RGL1: variants seen among roughly 807,000 people sequenced by gnomAD.
RGL1 encodes the protein ral guanine nucleotide dissociation stimulator-like 1.
In RGL1, 24 loss-of-function variants were observed where a neutral mutation model predicts 95.2. The ratio of observed to expected loss-of-function variants is 0.25; its 90% CI spans 0.18 to 0.35. RGL1 has a LOEUF of 0.35. RGL1 is among the 10% of genes least tolerant of loss of function. RGL1 has a pLI of 1.00. For synonymous variants in RGL1, 329 were observed against 344.9 expected (o/e 0.95, Z 0.51); for missense variants, 715 against 936.3 (o/e 0.76, Z 3.08).
intron 2 of RGL1, among the ~76,000 whole-genome samples, chr1:183,833,469 C>A (rs940586298): frequency 6.6e-6 from 1 of 152,204 alleles, no homozygotes; most frequent in African/African-American, 2.4e-5. Context: ...TGATCGGAAT[C>A]TCTGGGGCAT....
At chr1:183,682,843 T>C (rs972093917) in intron 1 of RGL1, among the ~76,000 whole-genome samples, 1 of 152,230 alleles carries the variant, frequency 6.6e-6, no homozygotes, top group African/African-American at 2.4e-5. Flanking sequence ...TTTATAAATC[T>C]AGGTGCTCTT....
intron 1 of RGL1, among the ~76,000 whole-genome samples, chr1:183,702,265 G>A (rs897879205): frequency 1.6e-4 from 25 of 152,006 alleles, no homozygotes; most frequent in African/African-American, 5.1e-4. Context: ...GGTGAATTAC[G>A]CCCAACTGCA....
chr1:183,849,483 G>GTTTTTTTTTT lies in RGL1; in HGVS notation c.347+1723_347+1732dup, dbSNP rs1418103960. Among the ~76,000 whole-genome samples the GTTTTTTTTTT allele has an allele frequency of 9.6e-4, 116 of 120,824 alleles. 1 individual carries two copies. Among genetic ancestry groups the GTTTTTTTTTT allele is most frequent in the Non-Finnish European group, 1.0e-3 (63 of 62,488 alleles). 79.3% of individuals were successfully genotyped at this position (120,824 alleles called of 152,430 possible). ...ACATTTAAGTTTTCTCCAGTTTTTA[G>GTTTTTTTTTT]TTTTTTTTTTTTTTTTTTTTTTTGT... is the stretch of plus-strand genomic sequence containing the variant. On this transcript the variant is annotated intron_variant, in intron 3 of 17. Coordinates refer to ENST00000360851, the MANE Select transcript of RGL1 (RefSeq NM_001297671.3).
At chr1:183,894,533 C>T (rs796179448) in intron 9 of RGL1, among the ~76,000 whole-genome samples, 6 of 152,090 alleles carry the variant, frequency 3.9e-5, no homozygotes, top group African/African-American at 1.4e-4. Context: ...TATGAAGTGT[C>T]TAATTCTGAG....
rs574217143 is a variant in RGL1, at chr1:183,865,384, T to C, written c.348-612T>C. ...TGTCTAGCGCAACCTGGCCTCAGTA[T>C]AGCTACAGCTGCTCTCATGGTTGCT... On this transcript the variant is annotated intron_variant, in intron 3 of 17. Transcript: ENST00000360851. Among the ~76,000 whole-genome samples the C allele has an allele frequency of 1.1e-4, 17 of 152,360 alleles. No individual in the cohort carries two copies. In the East Asian group the frequency reaches 2.7e-3, roughly 24 times the overall value.
At chr1:183,878,386 T>C (rs970531675) in intron 4 of RGL1, among the ~76,000 whole-genome samples, 2 of 151,684 alleles carry the variant, frequency 1.3e-5, no homozygotes, top group African/African-American at 4.9e-5. Context: ...TTTGTAGAGA[T>C]GGGGTTTCGC....
intron 14 of RGL1, among the ~76,000 whole-genome samples, chr1:183,908,343 C>T (rs1405457862): frequency 2.0e-5 from 3 of 152,152 alleles, no homozygotes; most frequent in African/African-American, 7.2e-5. Context: ...AGGTCTCCCA[C>T]CATCAGCGGC....
At chr1:183,775,141 C>T (rs1318349145) in intron 2 of RGL1, among the ~76,000 whole-genome samples, 1 of 152,186 alleles carries the variant, frequency 6.6e-6, no homozygotes, top group Non-Finnish European at 1.5e-5. Flanking sequence ...CCGATTAAAG[C>T]CTTCTTCCTT....
chr1:183,799,733 A>G (rs1016612371), intron 2 of RGL1, among the ~76,000 whole-genome samples: 11 of 152,250 alleles, frequency 7.2e-5, no homozygotes. Context: ...TTTGTAAGAC[A>G]AGTTTTTATT....
At chr1:183,682,634 G>A (rs572087021) in intron 1 of RGL1, among the ~76,000 whole-genome samples, 1 of 152,216 alleles carries the variant, frequency 6.6e-6, no homozygotes, top group Non-Finnish European at 1.5e-5. Context: ...TGAGAAGAAT[G>A]TATATTCTGT....
At chr1:183,804,980 C>T (rs1446364759), upstream of RGL1, 1 of 266,474 alleles carries the variant, frequency 3.8e-6, no homozygotes, top group Non-Finnish European at 7.0e-6. Flanking sequence ...ACTGGAGAAA[C>T]GCTTTCATGC....
intron 1 of RGL1, among the ~76,000 whole-genome samples, chr1:183,713,003 G>T (rs917073446): frequency 6.6e-6 from 1 of 152,030 alleles, no homozygotes; most frequent in African/African-American, 2.4e-5. Flanking sequence ...TTTGATGATC[G>T]TGTGTGTCAG....
At position 183,928,171 on chromosome 1, in the gene RGL1, A is replaced by T. The variant is rs189650241; in HGVS notation, c.*1879A>T. ...TATTCTTGGTGCGAAGGTAAAAAAA[A>T]AAAAATAAATAAAACCATTGGCCTG... On this transcript the variant is annotated 3_prime_UTR_variant, in exon 18 of 18. Transcript: ENST00000360851. 13 of 152,438 alleles carry T rather than the reference A, an allele frequency of 8.5e-5. No individual in the cohort carries two copies. The highest frequency in any genetic ancestry group is 4.2e-4 in the South Asian group (2 of 4,802). 9.4% of individuals were successfully genotyped at this position (152,438 alleles called of 1,614,324 possible).
chr1:183,789,067 A>T (rs1572412997), intron 2 of RGL1, among the ~76,000 whole-genome samples: 1 of 152,216 alleles, frequency 6.6e-6, no homozygotes, highest in South Asian at 2.1e-4. Context: ...AACATTTATC[A>T]TATGGTAGTG....
intron 2 of RGL1, among the ~76,000 whole-genome samples, chr1:183,778,621 T>G (rs889132525): frequency 6.6e-6 from 1 of 152,078 alleles, no homozygotes; most frequent in South Asian, 2.1e-4. Context: ...GAGGGTTCTT[T>G]AAAGAAGTTG....
chr1:183,689,061 A>G (rs555865467), intron 1 of RGL1, among the ~76,000 whole-genome samples: 1 of 152,202 alleles, frequency 6.6e-6, no homozygotes, highest in East Asian at 1.9e-4. Context: ...TTAAAATTGT[A>G]TTAAAAATAT....
intron 1 of RGL1, among the ~76,000 whole-genome samples, chr1:183,699,016 CATTT>C (rs1383848118): frequency 6.6e-6 from 1 of 152,236 alleles, no homozygotes; most frequent in Non-Finnish European, 1.5e-5. Flanking sequence ...TCCATACTCT[CATTT>C]AGTTGAATTA....
chr1:183,798,640 T>C (rs997433954), intron 2 of RGL1, among the ~76,000 whole-genome samples: 97 of 152,084 alleles, frequency 6.4e-4, no homozygotes, highest in African/African-American at 2.3e-3. Flanking sequence ...TATAGACCTG[T>C]AGTAGATCCC....
At chr1:183,726,593 A>T (rs765745757) in intron 1 of RGL1, among the ~76,000 whole-genome samples, 1 of 152,184 alleles carries the variant, frequency 6.6e-6, no homozygotes, top group Non-Finnish European at 1.5e-5. Context: ...GAAAACCTGA[A>T]TATCAATTAA....
Sources: gnomAD v4.1 joint callset for allele counts (sites outside exome capture counted in the v4.1 genomes callset) on GRCh38, gnomAD v4.1.1 for gene constraint, MANE v1.5 for transcripts, NCBI Gene and HGNC (gene_info 2026-07-23, HGNC 2026-07-21) for gene names.